TANC1: variants seen among roughly 807,000 people sequenced by gnomAD.
TANC1 encodes tetratricopeptide repeat, ankyrin repeat and coiled-coil containing 1.
Under a neutral mutation model 149.7 loss-of-function variants are expected in TANC1, and 77 were observed. The observed-to-expected ratio is 0.51, with a 90% CI of 0.43 to 0.62. The LOEUF (loss-of-function observed/expected upper bound fraction) is 0.62. Among genes scored for constraint, TANC1 ranks in the 20% least tolerant of loss-of-function variants. The probability of loss-of-function intolerance (pLI) is 0.00; values close to 1 mark genes in which losing one functional copy is unlikely to be tolerated. For missense variants in TANC1, 1,985 were observed against 2,321.8 expected (o/e 0.85, Z 2.98); for synonymous variants, 854 against 925.0 (o/e 0.92, Z 1.39).
At chr2:159,146,541 T>C (rs1296136950) in intron 5 of TANC1, among the ~76,000 whole-genome samples, 1 of 143,550 alleles carries the variant, frequency 7.0e-6, no homozygotes, top group Non-Finnish European at 1.5e-5. Context: ...TTTTCCTTTT[T>C]TTTTTTTTTT....
At chr2:158,983,711 A>G (rs948968688) in intron 1 of TANC1, among the ~76,000 whole-genome samples, 4 of 152,188 alleles carry the variant, frequency 2.6e-5, no homozygotes, top group Non-Finnish European at 5.9e-5. Flanking sequence ...CAAGTCATAC[A>G]TGCATATTCA....
chr2:159,120,152 C>G (rs2048697068), intron 4 of TANC1, among the ~76,000 whole-genome samples: 1 of 152,066 alleles, frequency 6.6e-6, no homozygotes, highest in Non-Finnish European at 1.5e-5. Flanking sequence ...CCAGAGACAC[C>G]CAGGAGTTGA....
chr2:159,109,541 G>A (rs547813572), intron 4 of TANC1, among the ~76,000 whole-genome samples: 1 of 152,184 alleles, frequency 6.6e-6, no homozygotes, highest in Non-Finnish European at 1.5e-5. Context: ...GTGAGAATAC[G>A]GTAGTTCTTC....
intron 4 of TANC1, among the ~76,000 whole-genome samples, chr2:159,133,607 A>AC (rs1228474025): frequency 6.6e-6 from 1 of 150,992 alleles, no homozygotes. Flanking sequence ...CCACCCCCAA[A>AC]CCCCCACAAG....
At chr2:159,011,960 A>G (rs1006821572) in intron 2 of TANC1, among the ~76,000 whole-genome samples, 2 of 152,092 alleles carry the variant, frequency 1.3e-5, no homozygotes, top group Non-Finnish European at 2.9e-5. Flanking sequence ...GCTGGGACCC[A>G]TCCCCAGTCT....
chr2:159,174,183 A>G (rs995406239), intron 11 of TANC1, among the ~76,000 whole-genome samples: 18 of 152,104 alleles, frequency 1.2e-4, no homozygotes, highest in African/African-American at 2.9e-4. Flanking sequence ...TCTTCTATCT[A>G]TAGCACGCCT....
intron 19 of TANC1, among the ~76,000 whole-genome samples, chr2:159,206,868 C>T (rs767803135): frequency 4.9e-4 from 74 of 152,108 alleles, no homozygotes; most frequent in Non-Finnish European, 9.3e-4. Context: ...GAACCTTATG[C>T]CTGCTTTAAA....
chr2:159,003,517 C>A (rs538860177), intron 2 of TANC1, among the ~76,000 whole-genome samples: 7 of 152,004 alleles, frequency 4.6e-5, no homozygotes, highest in African/African-American at 1.4e-4. Flanking sequence ...TTCTAAAGCA[C>A]AGAGAGGTTA....
intron 3 of TANC1, among the ~76,000 whole-genome samples, chr2:159,090,390 CCTT>C (rs1348841639): frequency 6.6e-6 from 1 of 152,180 alleles, no homozygotes; most frequent in Non-Finnish European, 1.5e-5. Flanking sequence ...TTTTTGACCA[CCTT>C]CTTGCTTCTG....
chr2:159,033,357 C>T (rs147465736), intron 2 of TANC1, among the ~76,000 whole-genome samples: 1 of 152,268 alleles, frequency 6.6e-6, no homozygotes, highest in East Asian at 1.9e-4. Flanking sequence ...CTGAGGAACT[C>T]ATTTCAAAGG....
chr2:159,066,717 G>A (rs1387155968), intron 3 of TANC1, among the ~76,000 whole-genome samples: 1 of 152,192 alleles, frequency 6.6e-6, no homozygotes, highest in Non-Finnish European at 1.5e-5. Context: ...CTAACAGGTG[G>A]AGCCCCACTT....
chr2:159,212,788 G>A (rs184269472), intron 19 of TANC1, among the ~76,000 whole-genome samples: 11 of 152,214 alleles, frequency 7.2e-5, no homozygotes, highest in Admixed American at 2.0e-4. Context: ...AGGCGTGGTG[G>A]CACATGCTGT....
chr2:159,049,672 G>A (rs1225577046), intron 2 of TANC1, among the ~76,000 whole-genome samples: 1 of 152,188 alleles, frequency 6.6e-6, no homozygotes, highest in African/African-American at 2.4e-5. Flanking sequence ...GTCAGGACTG[G>A]TGAGACGGAG....
chr2:159,194,833 T>TC (rs35466626), intron 17 of TANC1, among the ~76,000 whole-genome samples: 1 of 152,200 alleles, frequency 6.6e-6, no homozygotes, highest in Admixed American at 6.5e-5. Context: ...TTTGCTTTTT[T>TC]CCCCTCTCTT....
Position 159,196,608 on chromosome 2 carries a change from G to A in TANC1, c.2980G>A (p.Val994Met). The stretch of plus-strand genomic sequence containing the variant: ...AACCTTCCCCTACTCCTGCCCCCAG[G>A]TGGACCACTTGGATAAGAAGGGCCA... ...VCLLTKKGVR[V>M]DHLDKKGQCA... Residue 994 changes from valine (V) to methionine (M), a missense_variant and splice_region_variant, in exon 18 of 27, where the codon GTG becomes ATG. Physicochemically the swap from Val to Met is conservative, Grantham distance 21. This residue lies in a region of TANC1 where 508 missense variants were observed against 714.2 expected (regional missense o/e 0.71). Coordinates refer to ENST00000263635, the MANE Select transcript of TANC1 (RefSeq NM_033394.3). 2 of 1,596,310 alleles carry A rather than the reference G, an allele frequency of 1.3e-6. No individual in the cohort carries two copies. The highest frequency in any genetic ancestry group is 1.7e-4 in the Middle Eastern group (1 of 5,986).
At chr2:159,142,766 T>C (rs1433996535) in intron 5 of TANC1, among the ~76,000 whole-genome samples, 1 of 143,892 alleles carries the variant, frequency 6.9e-6, no homozygotes, top group African/African-American at 2.6e-5. Context: ...GGCACTTCAA[T>C]AGAAAAAAAA....
intron 1 of TANC1, among the ~76,000 whole-genome samples, chr2:159,000,544 G>A (rs1484577402): frequency 1.3e-5 from 2 of 152,048 alleles, no homozygotes; most frequent in African/African-American, 2.4e-5. Flanking sequence ...CGGGCCCAGG[G>A]TATAGGTGAG....
At chr2:159,037,128 T>A (rs138025012) in intron 2 of TANC1, among the ~76,000 whole-genome samples, 3 of 152,376 alleles carry the variant, frequency 2.0e-5, no homozygotes, top group African/African-American at 7.2e-5. Context: ...TGAGCATTTT[T>A]TCATGTGTCT....
At chr2:159,229,132 C>T (rs909455298) in intron 26 of TANC1, among the ~76,000 whole-genome samples, 1 of 152,122 alleles carries the variant, frequency 6.6e-6, no homozygotes, top group Non-Finnish European at 1.5e-5. Flanking sequence ...CACCCCTCCC[C>T]CCACGTGAAA....
Sources: allele counts gnomAD v4.1 joint callset (sites outside exome capture counted in the v4.1 genomes callset), GRCh38; gene constraint gnomAD v4.1.1; regional missense constraint gnomAD v4.1.1; transcripts MANE v1.5; gene names NCBI Gene and HGNC (gene_info 2026-07-23, HGNC 2026-07-21).